Variants in SPATA7 observed in about 807,000 individuals in gnomAD.
The protein encoded by SPATA7 is spermatogenesis-associated protein 7.
SPATA7 carries 43 observed loss-of-function variants against 51.8 expected under a neutral mutation model. The observed-to-expected ratio is 0.83, with a 90% CI of 0.65 to 1.07. The LOEUF is 1.07. SPATA7 is among the 50% of genes least tolerant of loss of function. The pLI, the probability that SPATA7 is intolerant of heterozygous loss-of-function variation, is 0.00. For synonymous variants in SPATA7, 230 were observed against 252.8 expected (o/e 0.91, Z 0.86); for missense variants, 683 against 701.3 (o/e 0.97, Z 0.30).
At chr14:88,400,018 G>A (rs1294787190) in intron 4 of SPATA7, among the ~76,000 whole-genome samples, 1 of 152,128 alleles carries the variant, frequency 6.6e-6, no homozygotes, top group African/African-American at 2.4e-5. Flanking sequence ...ATACCCTATT[G>A]AAGAATACGC....
rs2077425281 is a variant in SPATA7, at chr14:88,469,645, G to A, written c.255-202G>A. Reference sequence around the variant, plus strand: ...GCAGCCAGAGTCTGTGCGGAACCGGGTCGTGATCTTAAACCTTCCATAGGT... The same window carrying A: ...GCAGCCAGAGTCTGTGCGGAACCGGATCGTGATCTTAAACCTTCCATAGGT... On this transcript the variant is annotated intron_variant, in intron 4 of 4. Transcript: ENST00000556406. The surrounding 1 kb of genome is among the most constrained non-coding windows in gnomAD (Gnocchi z 4.3). 6.2e-7 allele frequency: 1 copy of A among 1,614,058 alleles called. No homozygotes were observed. The highest frequency in any genetic ancestry group is 1.3e-5 in the African/African-American group (1 of 74,908).
intron 7 of SPATA7, 68 bp downstream of exon 7, chr14:88,427,764 T>C: frequency 1.8e-6 from 2 of 1,104,290 alleles, no homozygotes; most frequent in Non-Finnish European, 2.8e-6. Flanking sequence ...AAATAGAATA[T>C]GTACAGCTAT....
intron 10 of SPATA7, among the ~76,000 whole-genome samples, chr14:88,436,539 G>C (rs2077092376): frequency 1.3e-5 from 2 of 152,094 alleles, no homozygotes; most frequent in Admixed American, 1.3e-4. Flanking sequence ...TTTTCATTTA[G>C]TAGTTCCATA....
At chr14:88,434,778 CA>C (rs1176444887) in intron 10 of SPATA7, among the ~76,000 whole-genome samples, 2 of 150,876 alleles carry the variant, frequency 1.3e-5, no homozygotes, top group Non-Finnish European at 3.0e-5. Flanking sequence ...TAAAGAAATA[CA>C]AATGAATAGA....
chr14:88,429,728 A>T (rs2076890493), intron 8 of SPATA7, among the ~76,000 whole-genome samples: 1 of 152,046 alleles, frequency 6.6e-6, no homozygotes, highest in South Asian at 2.1e-4. Context: ...ACTGTTCATT[A>T]AAAAAATGAT....
downstream of SPATA7, among the ~76,000 whole-genome samples, chr14:88,442,721 G>C (rs994202651): frequency 6.6e-6 from 1 of 152,052 alleles, no homozygotes. Flanking sequence ...TTGCATCTGT[G>C]TTCATCAGGG....
chr14:88,414,754 A>C, intron 4 of SPATA7: 8 of 330,286 alleles, frequency 2.4e-5, no homozygotes, highest in South Asian at 1.9e-4. Context: ...TTCTGTTTTT[A>C]TTTATTTCAA....
chr14:88,468,366 G>C, intron 4 of SPATA7: 1 of 1,169,964 alleles, frequency 8.5e-7, no homozygotes, highest in Non-Finnish European at 1.2e-6. Flanking sequence ...TTGGGAGATG[G>C]ACAGTCTCTT....
chr14:88,386,836 A>G (rs990182764), intron 1 of SPATA7, among the ~76,000 whole-genome samples: 4 of 152,114 alleles, frequency 2.6e-5, no homozygotes, highest in East Asian at 1.9e-4. Context: ...CCTTTATTAT[A>G]TAGTCATTGA....
intron 3 of SPATA7, among the ~76,000 whole-genome samples, chr14:88,454,555 G>C (rs967337505): frequency 2.6e-5 from 4 of 152,054 alleles, no homozygotes; most frequent in Admixed American, 1.3e-4. Context: ...ATAATCCCAG[G>C]ACTTTGGGAG....
intron 4 of SPATA7, among the ~76,000 whole-genome samples, chr14:88,464,329 T>A (rs553222804): frequency 1.2e-3 from 184 of 152,256 alleles, no homozygotes; most frequent in Middle Eastern, 3.4e-3. Flanking sequence ...ATTCTTTTTT[T>A]AAAAAATTAA....
intron 4 of SPATA7, among the ~76,000 whole-genome samples, chr14:88,412,829 G>GT: frequency 6.6e-6 from 1 of 152,200 alleles, no homozygotes; most frequent in East Asian, 1.9e-4. Context: ...GTCAATTTTT[G>GT]TTTTTGTTGC....
intron 5 of SPATA7, among the ~76,000 whole-genome samples, chr14:88,417,744 T>A (rs1286812944): frequency 1.3e-5 from 2 of 152,226 alleles, no homozygotes; most frequent in Non-Finnish European, 2.9e-5. Context: ...TACTAATATT[T>A]GTTTAGAATT....
intron 6 of SPATA7, 37 bp downstream of exon 6, chr14:88,426,741 G>C (rs762605260): frequency 1.3e-6 from 2 of 1,531,160 alleles, no homozygotes; most frequent in Non-Finnish European, 1.8e-6. Context: ...AATCCTTCAG[G>C]AAATTAAATG....
chr14:88,446,571 A>T (rs1475184555), intron 3 of SPATA7, among the ~76,000 whole-genome samples: 1 of 151,230 alleles, frequency 6.6e-6, no homozygotes, highest in African/African-American at 2.4e-5. Flanking sequence ...TTTAATTGTG[A>T]TGTTAGGGTG....
chr14:88,431,419 G>A (rs1486986554), intron 9 of SPATA7, among the ~76,000 whole-genome samples, 194 bp downstream of exon 9: 1 of 152,056 alleles, frequency 6.6e-6, no homozygotes. Flanking sequence ...AGTTTAATTA[G>A]CATATCCATC....
intron 5 of SPATA7, among the ~76,000 whole-genome samples, chr14:88,425,535 A>G (rs2076765104): frequency 6.6e-6 from 1 of 152,132 alleles, no homozygotes; most frequent in Admixed American, 6.6e-5. Flanking sequence ...TTCAGTTTAT[A>G]AAACAATAAA....
intron 2 of SPATA7, chr14:88,391,716 A>G: frequency 1.9e-6 from 1 of 523,544 alleles, no homozygotes; most frequent in South Asian, 1.7e-5. Flanking sequence ...TACTTTTGCC[A>G]GGAAACTACC....
rs184335204 is a variant in SPATA7 at position 88,399,612 on chromosome 14, G to T, written c.238+3409G>T. Among the ~76,000 whole-genome samples the T allele has an allele frequency of 1.5e-3, 232 of 152,100 alleles. 1 individual carries two copies. Among genetic ancestry groups the T allele is most frequent in the Non-Finnish European group, 1.9e-3 (127 of 67,986 alleles). Reference sequence around the variant, plus strand: ...CATTTTTTTCTTCTGTATCATATTAGTAACTTTTTTGTAGCACAAAACTGG... The same window carrying T: ...CATTTTTTTCTTCTGTATCATATTATTAACTTTTTTGTAGCACAAAACTGG... On this transcript the variant is annotated intron_variant, in intron 4 of 11. Coordinates refer to ENST00000393545, the MANE Select transcript of SPATA7 (RefSeq NM_018418.5).
Sources: gnomAD v4.1 joint callset for allele counts (sites outside exome capture counted in the v4.1 genomes callset) on GRCh38, gnomAD v4.1.1 for gene constraint, Gnocchi (gnomAD v3.1) non-coding constraint, MANE v1.5 for transcripts, NCBI Gene and HGNC (gene_info 2026-07-23, HGNC 2026-07-21) for gene names.